ROCK2: variants seen among roughly 807,000 people sequenced by gnomAD.
ROCK2 encodes the protein rho-associated protein kinase 2.
ROCK2 carries 61 observed loss-of-function variants against 195.1 expected under a neutral mutation model. The observed-to-expected ratio is 0.31, with a 90% confidence interval of 0.25 to 0.39. The LOEUF is 0.39. Among genes scored for constraint, ROCK2 ranks in the 10% least tolerant of loss-of-function variants. The pLI, the probability that ROCK2 is intolerant of heterozygous loss-of-function variation, is 1.00. For missense variants in ROCK2, 1,109 were observed against 1,637.4 expected (o/e 0.68, Z 5.57); for synonymous variants, 504 against 545.5 (o/e 0.92, Z 1.06).
At chr2:11,253,049 G>T (rs1030493678) in intron 3 of ROCK2, among the ~76,000 whole-genome samples, 3 of 151,716 alleles carry the variant, frequency 2.0e-5, no homozygotes, top group Non-Finnish European at 4.4e-5. Flanking sequence ...CAATTAGGAT[G>T]ATTTTACCAA....
At chr2:11,208,734 A>G (rs943551945) in intron 18 of ROCK2, among the ~76,000 whole-genome samples, 20 of 151,680 alleles carry the variant, frequency 1.3e-4, no homozygotes, top group African/African-American at 4.1e-4. Context: ...CTCGGATTAC[A>G]GGCGTGTGCC....
chr2:11,293,545 A>G (rs755497606), intron 1 of ROCK2, among the ~76,000 whole-genome samples: 1 of 152,190 alleles, frequency 6.6e-6, no homozygotes, highest in Non-Finnish European at 1.5e-5. Context: ...AGGCTCTAAC[A>G]TGGCTCAGCA....
intron 3 of ROCK2, among the ~76,000 whole-genome samples, chr2:11,258,366 A>G (rs1666108391): frequency 6.6e-6 from 1 of 151,462 alleles, no homozygotes; most frequent in Non-Finnish European, 1.5e-5. Flanking sequence ...CTGCTGTCCA[A>G]TCTGATTTAA....
At chr2:11,200,870 A>T in intron 23 of ROCK2, 87 bp downstream of exon 23, 1 of 1,142,754 alleles carries the variant, frequency 8.8e-7, no homozygotes, top group Non-Finnish European at 1.2e-6. Context: ...TTTTTCATTT[A>T]GATCTGTGAT....
chr2:11,307,213 A>G (rs1667885148), intron 1 of ROCK2, among the ~76,000 whole-genome samples: 1 of 152,254 alleles, frequency 6.6e-6, no homozygotes, highest in Non-Finnish European at 1.5e-5. Context: ...TCAAATCAGT[A>G]GCATCCCATT....
rs1558284256 is a variant in ROCK2, at chr2:11,199,493, A to AT, written c.2911-720_2911-719insA. 6.9e-3 allele frequency among the ~76,000 whole-genome samples: 1,033 copies of AT among 150,554 alleles called. 15 individuals are homozygous for AT. Among genetic ancestry groups the AT allele is most frequent in the African/African-American group, 0.024 (983 of 41,118 alleles). On this transcript the variant is annotated intron_variant, in intron 23 of 32. Coordinates refer to ENST00000315872, the MANE Select transcript of ROCK2 (RefSeq NM_004850.5). ...TGAACCACCACACCTGGATAAAAAA[A>AT]ATTTTTTTTTTTTTTTGGTAGAAAC...
chr2:11,267,285 T>C (rs1379959727), intron 3 of ROCK2, among the ~76,000 whole-genome samples: 1 of 152,128 alleles, frequency 6.6e-6, no homozygotes, highest in Non-Finnish European at 1.5e-5. Flanking sequence ...TCCCATAAGA[T>C]AGGTATAATT....
chr2:11,224,673 T>G (rs1664752026), intron 6 of ROCK2, among the ~76,000 whole-genome samples: 1 of 151,150 alleles, frequency 6.6e-6, no homozygotes, highest in African/African-American at 2.4e-5. Context: ...TGATCCCTCA[T>G]CCCTTAAAAG....
At chr2:11,232,812 A>C (rs767602361) in intron 5 of ROCK2, among the ~76,000 whole-genome samples, 11 of 152,230 alleles carry the variant, frequency 7.2e-5, no homozygotes, top group African/African-American at 9.6e-5. Context: ...ATCCCTGTAC[A>C]TGAACAAGAA....
chr2:11,295,895 T>G (rs888052102), intron 1 of ROCK2, among the ~76,000 whole-genome samples: 3 of 150,818 alleles, frequency 2.0e-5, no homozygotes, highest in African/African-American at 7.3e-5. Context: ...AGGCGGAGCT[T>G]GCAGTGAGCC....
At chr2:11,295,526 C>T (rs1463435676) in intron 1 of ROCK2, among the ~76,000 whole-genome samples, 1 of 152,070 alleles carries the variant, frequency 6.6e-6, no homozygotes, top group East Asian at 1.9e-4. Flanking sequence ...ATTTGGTGCT[C>T]ACAGTACACA....
Position 11,249,811 on chromosome 2 carries a change from G to T in ROCK2, c.325-13C>A, listed in dbSNP as rs2148127412. 1 of 1,476,568 alleles carries T rather than the reference G, an allele frequency of 6.8e-7. No individual in the cohort carries two copies. The highest frequency in any genetic ancestry group is 9.0e-7 in the Non-Finnish European group (1 of 1,115,788). The allele number at this position is 1,476,568 out of a possible 1,614,324, so 91.5% of individuals were successfully genotyped here. Reference sequence around the variant, plus strand: ...CCTTGTGACGAACCTGTTGATTTTTGAAAACACAAAAATTAATACTTTCAT... The same window carrying T: ...CCTTGTGACGAACCTGTTGATTTTTTAAAACACAAAAATTAATACTTTCAT... On this transcript the variant is annotated splice_polypyrimidine_tract_variant and intron_variant, in intron 3 of 32. Coordinates refer to ENST00000315872, the MANE Select transcript of ROCK2 (RefSeq NM_004850.5).
At chr2:11,320,575 TTACTCTAGTC>T (rs1332548653) in intron 1 of ROCK2, among the ~76,000 whole-genome samples, 1 of 152,226 alleles carries the variant, frequency 6.6e-6, no homozygotes, top group East Asian at 1.9e-4. Flanking sequence ...AATATAGGTC[TTACTCTAGTC>T]TGATAATGGG....
At position 11,286,563 on chromosome 2, in the gene ROCK2, T is replaced by C. The variant is rs1667200435; in HGVS notation, c.300A>G (p.Arg100=). 9.9e-6 allele frequency: 16 copies of C among 1,610,816 alleles called. No individual in the cohort carries two copies. Among genetic ancestry groups the C allele is most frequent in the Admixed American group, 1.7e-5 (1 of 59,928 alleles). Reference sequence around the variant, plus strand: ...CCAACTGCACTTCACCAAAAGCACCTCTTCCAATAACTTTTACAACATCAT... The same window carrying C: ...CCAACTGCACTTCACCAAAAGCACCCCTTCCAATAACTTTTACAACATCAT... ...EDYDVVKVIG[R]GAFGEVQLVR... The change falls in exon 3 of 33, where the codon AGA becomes AGG. Residue 100 remains arginine, a synonymous_variant. Coordinates refer to ENST00000315872, the MANE Select transcript of ROCK2 (RefSeq NM_004850.5).
intron 1 of ROCK2, among the ~76,000 whole-genome samples, chr2:11,320,144 C>A (rs572675543): frequency 8.5e-5 from 13 of 152,298 alleles, no homozygotes; most frequent in Middle Eastern, 3.4e-3. Context: ...TACTCACAAA[C>A]CTCTGGTGTT....
chr2:11,308,212 C>T (rs1388076907), intron 1 of ROCK2: 1 of 1,492,896 alleles, frequency 6.7e-7, no homozygotes, highest in East Asian at 2.3e-5. Context: ...AAACCACAGG[C>T]AAAATTGCAA....
At chr2:11,226,944 T>C (rs1664833631) in intron 6 of ROCK2, among the ~76,000 whole-genome samples, 1 of 143,950 alleles carries the variant, frequency 6.9e-6, no homozygotes, top group Non-Finnish European at 1.5e-5. Flanking sequence ...AGAAGGAAAA[T>C]CTTAGAATGA....
At chr2:11,263,995 A>G (rs1666330139) in intron 3 of ROCK2, among the ~76,000 whole-genome samples, 1 of 149,274 alleles carries the variant, frequency 6.7e-6, no homozygotes, top group South Asian at 2.1e-4. Context: ...AAAAAAAAAC[A>G]TGTATGCTAA....
intron 1 of ROCK2, among the ~76,000 whole-genome samples, chr2:11,339,103 T>C (rs1388451149): frequency 6.6e-6 from 1 of 152,200 alleles, no homozygotes; most frequent in Non-Finnish European, 1.5e-5. Context: ...TGCATTTCAT[T>C]GCATGCAAAT....
Sources: allele counts gnomAD v4.1 joint callset (sites outside exome capture counted in the v4.1 genomes callset), GRCh38; gene constraint gnomAD v4.1.1; transcripts MANE v1.5; gene names NCBI Gene and HGNC (gene_info 2026-07-23, HGNC 2026-07-21).